Variants in EPB41 observed in about 807,000 individuals in gnomAD.
The protein encoded by EPB41 is protein 4.1.
A neutral mutation model predicts 108.0 loss-of-function variants in EPB41; 65 were observed. The observed-to-expected ratio is 0.60, with a 90% confidence interval of 0.49 to 0.74. EPB41 has a LOEUF of 0.74. EPB41 is among the 30% of genes least tolerant of loss of function. The probability of loss-of-function intolerance (pLI) is 0.00; values close to 1 mark genes in which losing one functional copy is unlikely to be tolerated. For synonymous variants in EPB41, 336 were observed against 358.9 expected, an observed-to-expected ratio of 0.94 and a Z score of 0.72; for missense variants, 875 against 1,037.0, an observed-to-expected ratio of 0.84 and a Z score of 2.15.
At position 28,993,401 on chromosome 1, in the gene EPB41, C is replaced by T. The variant is rs781004502; in HGVS notation, c.540C>T (p.Ser180=). 3 of 1,613,726 alleles carry T rather than the reference C, an allele frequency of 1.9e-6. No homozygotes were observed. The highest frequency in any genetic ancestry group is 2.2e-5 in the South Asian group (2 of 91,050). Residue 180 remains serine, a synonymous_variant, in exon 3 of 21, where the codon TCC becomes TCT. Coordinates refer to ENST00000343067, the MANE Select transcript of EPB41 (RefSeq NM_001376013.1). Reference sequence around the variant, plus strand: ...AAGGAGAAGGACTTGAAGAGTGCTCCAAAATAGAAGTAAAAGAAGAAAGCC... The same window carrying T: ...AAGGAGAAGGACTTGAAGAGTGCTCTAAAATAGAAGTAAAAGAAGAAAGCC... ...IKEGEGLEEC[S]KIEVKEESPQ...
Position 29,117,848 on chromosome 1 carries a change from A to C in EPB41, c.*1036A>C, listed in dbSNP as rs1377868069. The C allele has an allele frequency of 6.6e-6, 1 of 152,396 alleles. No homozygotes were observed. Among genetic ancestry groups the C allele is most frequent in the African/African-American group, 2.4e-5 (1 of 41,360 alleles). 9.4% of individuals were successfully genotyped at this position (152,396 alleles called of 1,614,324 possible). A position where few individuals can be genotyped will look rare whatever the true frequency, so the allele number is the denominator to read the frequency against. ...CTCAGAGAAGGGTTTTTCTTTTTTG[A>C]CCTTTCTTCTCTCAACAGGAACCTG... On this transcript the variant is annotated 3_prime_UTR_variant, in exon 21 of 21. Transcript: ENST00000343067.
At chr1:29,040,220 T>C (rs1216959644) in intron 11 of EPB41, among the ~76,000 whole-genome samples, 3 of 152,100 alleles carry the variant, frequency 2.0e-5, no homozygotes, top group African/African-American at 7.2e-5. Context: ...ATAATAGCTA[T>C]TTTCTATAGT....
rs528903663 is a variant in EPB41, at chr1:29,077,011, G to A, written c.2184+11853G>A. On this transcript the variant is annotated intron_variant, in intron 16 of 20. Coordinates refer to ENST00000343067, the MANE Select transcript of EPB41 (RefSeq NM_001376013.1). Reference sequence around the variant, plus strand: ...TATAACAAATAATATTTGTTTCACTGAATTAAATGATTAATCACAGGTGGC... The same window carrying A: ...TATAACAAATAATATTTGTTTCACTAAATTAAATGATTAATCACAGGTGGC... 7.0e-4 allele frequency among the ~76,000 whole-genome samples: 107 copies of A among 152,228 alleles called. 1 individual carries two copies. The highest frequency in any genetic ancestry group is 2.5e-3 in the African/African-American group (102 of 41,540).
rs769809335 is a variant in EPB41 at position 29,033,198 on chromosome 1, A to G, written c.1318A>G (p.Ile440Val). Residue 440 changes from isoleucine to valine, a missense_variant, in exon 9 of 21, where the codon ATT becomes GTT. Ile to Val is a conservative substitution (Grantham distance 29). Coordinates refer to ENST00000343067, the MANE Select transcript of EPB41 (RefSeq NM_001376013.1). ...CTTCCCTTGGCCCAAAGTGCTGAAG[A>G]TTTCTTATAAACGTAGTAGCTTTTT... The part of the protein sequence containing the change: ...NRFPWPKVLK[I>V]SYKRSSFFIK... 6.2e-7 allele frequency: 1 copy of G among 1,614,012 alleles called. No individual in the cohort carries two copies. The highest frequency in any genetic ancestry group is 8.5e-7 in the Non-Finnish European group (1 of 1,179,928).
chr1:28,923,117 T>C (rs1557681012), intron 1 of EPB41, among the ~76,000 whole-genome samples: 1 of 142,784 alleles, frequency 7.0e-6, no homozygotes, highest in Non-Finnish European at 1.5e-5. Context: ...TTTTCTTTTT[T>C]TTTTTTTTTT....
At chr1:28,958,001 A>C (rs1387266129) in intron 1 of EPB41, among the ~76,000 whole-genome samples, 2 of 151,676 alleles carry the variant, frequency 1.3e-5, no homozygotes, top group Non-Finnish European at 2.9e-5. Context: ...TTTTTTTAGA[A>C]ATGGAGTCTT....
intron 1 of EPB41, among the ~76,000 whole-genome samples, chr1:28,905,772 T>A: frequency 6.6e-6 from 1 of 151,868 alleles, no homozygotes; most frequent in Admixed American, 6.6e-5. Flanking sequence ...GGCTGCAACT[T>A]ATTTGCAGTC....
At position 29,060,468 on chromosome 1, in the gene EPB41, G is replaced by A; in HGVS notation, c.1991G>A (p.Ser664Asn). 3 of 1,613,190 alleles carry A rather than the reference G, an allele frequency of 1.9e-6. No homozygotes were observed. The highest frequency in any genetic ancestry group is 2.5e-6 in the Non-Finnish European group (3 of 1,179,302). Residue 664 changes from serine (S) to asparagine (N), a missense_variant, in exon 15 of 21, where the codon AGC (serine) becomes AAC (asparagine). Coordinates refer to ENST00000343067, the MANE Select transcript of EPB41 (RefSeq NM_001376013.1). ...LDGENIYIRH[S>N]NLMLEDLDKS... ...GGTGAAAACATTTATATCAGACATAGCAATTTAATGTTGGAGGTTTGTATG... is the reference window on the plus strand; with the variant it reads ...GGTGAAAACATTTATATCAGACATAACAATTTAATGTTGGAGGTTTGTATG...
At chr1:28,981,525 G>A in intron 1 of EPB41, among the ~76,000 whole-genome samples, 1 of 152,144 alleles carries the variant, frequency 6.6e-6, no homozygotes, top group East Asian at 1.9e-4. Flanking sequence ...AGAATCTATT[G>A]CTGTAATATA....
chr1:28,921,961 T>TATATATATATATATATATATAC lies in EPB41; in HGVS notation c.-8+7194_-8+7195insTATATATATATATATATATACA, dbSNP rs770764638. On this transcript the variant is annotated intron_variant, in intron 1 of 20. Coordinates refer to ENST00000343067, the MANE Select transcript of EPB41 (RefSeq NM_001376013.1). ...TTTTATATATATATATATATATATA[T>TATATATATATATATATATATAC]ACACTTTTTTTTTGTTTTTTTTTTT... 5.1e-3 allele frequency among the ~76,000 whole-genome samples: 557 copies of TATATATATATATATATATATAC among 109,370 alleles called. 4 individuals are homozygous for TATATATATATATATATATATAC. The highest frequency in any genetic ancestry group is 0.017 in the East Asian group (22 of 1,270). The allele number at this position is 109,370 out of a possible 152,430, so 71.8% of individuals were successfully genotyped here. A position where few individuals can be genotyped will look rare whatever the true frequency, so the allele number is the denominator to read the frequency against.
intron 1 of EPB41, among the ~76,000 whole-genome samples, chr1:28,926,933 A>G (rs1360395111): frequency 6.6e-6 from 1 of 152,218 alleles, no homozygotes; most frequent in Non-Finnish European, 1.5e-5. Flanking sequence ...ATACTGTAAC[A>G]TTTTTATGCC....
chr1:28,984,910 C>T (rs549476785), intron 1 of EPB41, among the ~76,000 whole-genome samples: 83 of 152,308 alleles, frequency 5.4e-4, no homozygotes, highest in African/African-American at 1.9e-3. Flanking sequence ...CCTCCTGCCT[C>T]GACCTCCCAA....
At chr1:29,047,494 T>G (rs939673846) in intron 11 of EPB41, among the ~76,000 whole-genome samples, 3 of 151,048 alleles carry the variant, frequency 2.0e-5, no homozygotes, top group African/African-American at 7.3e-5. Flanking sequence ...GCTCAAGCAG[T>G]CCTCCCACCT....
intron 1 of EPB41, among the ~76,000 whole-genome samples, chr1:28,969,080 C>T (rs1263616166): frequency 1.3e-5 from 2 of 150,116 alleles, no homozygotes; most frequent in East Asian, 2.0e-4. Flanking sequence ...GCAATCATGC[C>T]GTACTTTTTT....
intron 16 of EPB41, among the ~76,000 whole-genome samples, chr1:29,085,533 A>G (rs1397383004): frequency 6.6e-6 from 1 of 152,144 alleles, no homozygotes; most frequent in Admixed American, 6.6e-5. Context: ...TACAACTTAA[A>G]TTTGAAGTAT....
intron 16 of EPB41, chr1:29,096,193 GAC>G: frequency 1.0e-6 from 1 of 985,840 alleles, no homozygotes; most frequent in Non-Finnish European, 1.2e-6. Context: ...TGGCTGTCGT[GAC>G]AAAGGGGCCA....
Position 28,895,604 on chromosome 1 carries a change from C to G in EPB41, c.-8+8394C>G, listed in dbSNP as rs531778550. ...TCCTGGGTTCAAGCAATTCTCCTGT[C>G]TCAACCTCCCAAGTAGCTGGGACTA... On this transcript the variant is annotated intron_variant, in intron 1 of 16. Coordinates refer to the EPB41 transcript ENST00000347529. 6.6e-5 allele frequency among the ~76,000 whole-genome samples: 10 copies of G among 152,244 alleles called. No homozygotes were observed. In the East Asian group the frequency reaches 1.9e-3, roughly 29 times the overall value.
chr1:29,088,160 C>T (rs1659924252), intron 16 of EPB41, among the ~76,000 whole-genome samples: 1 of 151,420 alleles, frequency 6.6e-6, no homozygotes, highest in Admixed American at 6.6e-5. Context: ...GATTCTCCTT[C>T]CTCAGCCTCT....
intron 4 of EPB41, among the ~76,000 whole-genome samples, chr1:29,004,203 T>C (rs2096357613): frequency 6.6e-6 from 1 of 152,228 alleles, no homozygotes; most frequent in Non-Finnish European, 1.5e-5. Context: ...GGGAGAGAAG[T>C]CACTTACATT....
Sources: allele counts gnomAD v4.1 joint callset (sites outside exome capture counted in the v4.1 genomes callset), GRCh38; gene constraint gnomAD v4.1.1; transcripts MANE v1.5; gene names NCBI Gene and HGNC (gene_info 2026-07-23, HGNC 2026-07-21).